KSR1: variants seen among roughly 807,000 people sequenced by gnomAD.
KSR1 encodes kinase suppressor of ras 1, also known as kinase suppressor of ras.
In KSR1, 35 loss-of-function variants were observed where a neutral mutation model predicts 92.9. That is an observed-to-expected ratio of 0.38 (90% CI 0.29 to 0.50). The LOEUF is 0.50. KSR1 is among the 20% of genes least tolerant of loss of function. The probability of loss-of-function intolerance (pLI) is 0.94; values close to 1 mark genes in which losing one functional copy is unlikely to be tolerated. For synonymous variants in KSR1, 467 were observed against 472.6 expected (o/e 0.99, Z 0.15); for missense variants, 972 against 1,158.5 (o/e 0.84, Z 2.34).
intron 1 of KSR1, among the ~76,000 whole-genome samples, chr17:27,511,251 G>A (rs941755151): frequency 5.3e-5 from 8 of 152,192 alleles, no homozygotes; most frequent in African/African-American, 1.9e-4. Flanking sequence ...TGGAACACTG[G>A]CAGGCAGCTG....
intron 2 of KSR1, among the ~76,000 whole-genome samples, chr17:27,572,391 T>C (rs1170706632): frequency 1.3e-5 from 2 of 152,178 alleles, no homozygotes. Context: ...TGGGCATCCA[T>C]GTCTTCCGTT....
intron 1 of KSR1, among the ~76,000 whole-genome samples, chr17:27,512,483 G>A (rs1315874190): frequency 1.3e-5 from 2 of 152,208 alleles, no homozygotes; most frequent in African/African-American, 4.8e-5. Context: ...AGCACTTTGG[G>A]AGGCCGAGGC....
chr17:27,503,687 T>C (rs889606557), intron 1 of KSR1, among the ~76,000 whole-genome samples: 6 of 152,296 alleles, frequency 3.9e-5, no homozygotes, highest in Non-Finnish European at 7.4e-5. Flanking sequence ...ATGTGTGACT[T>C]GTTTTGACCA....
chr17:27,550,945 AT>A (rs1408621133), intron 2 of KSR1, among the ~76,000 whole-genome samples: 1 of 152,132 alleles, frequency 6.6e-6, no homozygotes, highest in Non-Finnish European at 1.5e-5. Flanking sequence ...CTGGGCATTG[AT>A]TTGTTCATCA....
chr17:27,571,305 C>T (rs537979462), intron 2 of KSR1, among the ~76,000 whole-genome samples: 1 of 152,328 alleles, frequency 6.6e-6, no homozygotes, highest in Non-Finnish European at 1.5e-5. Flanking sequence ...CCTGTGCCTC[C>T]CAGAATATCT....
At chr17:27,475,553 C>T (rs1362047106) in intron 1 of KSR1, among the ~76,000 whole-genome samples, 5 of 152,180 alleles carry the variant, frequency 3.3e-5, no homozygotes, top group African/African-American at 9.7e-5. Context: ...GCAGCTTTTA[C>T]AGAGCTCCCA....
At chr17:27,508,526 T>C (rs757019956) in intron 1 of KSR1, among the ~76,000 whole-genome samples, 30 of 152,042 alleles carry the variant, frequency 2.0e-4, no homozygotes, top group Admixed American at 4.6e-4. Context: ...GATCATGCTC[T>C]TTGCCCCACA....
intron 1 of KSR1, among the ~76,000 whole-genome samples, chr17:27,471,017 C>T (rs900053143): frequency 1.3e-4 from 20 of 152,122 alleles, no homozygotes; most frequent in Middle Eastern, 3.4e-3. Context: ...AGCACAGGCA[C>T]GCACACTACA....
intron 1 of KSR1, among the ~76,000 whole-genome samples, chr17:27,462,996 G>A (rs1474662385): frequency 6.6e-6 from 1 of 152,202 alleles, no homozygotes; most frequent in Non-Finnish European, 1.5e-5. Flanking sequence ...GGGCCATTCA[G>A]GCTGTTTCCA....
intron 1 of KSR1, among the ~76,000 whole-genome samples, chr17:27,534,337 C>T (rs369223679): frequency 1.3e-5 from 2 of 152,162 alleles, no homozygotes; most frequent in Admixed American, 1.3e-4. Flanking sequence ...AATCTTAAAG[C>T]AATAAACAAG....
At chr17:27,544,756 G>A (rs1292957987) in intron 1 of KSR1, among the ~76,000 whole-genome samples, 1 of 152,230 alleles carries the variant, frequency 6.6e-6, no homozygotes, top group Non-Finnish European at 1.5e-5. Context: ...GTGGTTAAGA[G>A]AAAATGACGC....
chr17:27,596,608 G>C (rs1163010700), intron 9 of KSR1, among the ~76,000 whole-genome samples: 2 of 152,094 alleles, frequency 1.3e-5, no homozygotes, highest in Admixed American at 6.6e-5. Flanking sequence ...CTCCAAAATG[G>C]CAGACCGCAC....
chr17:27,584,409 G>A (rs1488220342), intron 4 of KSR1, among the ~76,000 whole-genome samples: 1 of 152,142 alleles, frequency 6.6e-6, no homozygotes, highest in Non-Finnish European at 1.5e-5. Flanking sequence ...AGAGATCCAG[G>A]TGTCACCGAC....
intron 1 of KSR1, among the ~76,000 whole-genome samples, chr17:27,463,707 G>A (rs2019554327): frequency 6.6e-6 from 1 of 152,176 alleles, no homozygotes. Context: ...TGGATTTCAG[G>A]TCTCCCTGTC....
chr17:27,617,292 C>T lies in KSR1; in HGVS notation c.2494-3C>T. The T allele has an allele frequency of 6.2e-7, 1 of 1,604,218 alleles. No homozygotes were observed. Among genetic ancestry groups the T allele is most frequent in the Non-Finnish European group, 8.5e-7 (1 of 1,173,294 alleles). On this transcript the variant is annotated splice_region_variant and splice_polypyrimidine_tract_variant and intron_variant, in intron 18 of 20. Transcript: ENST00000644974. ...ACACCACTAATGGCAGCTCCATTTGCAGGAGATCCTGTCGGCCTGCTGGGC... is the reference window on the plus strand; with the variant it reads ...ACACCACTAATGGCAGCTCCATTTGTAGGAGATCCTGTCGGCCTGCTGGGC...
chr17:27,581,148 G>T (rs192729997), intron 3 of KSR1, among the ~76,000 whole-genome samples: 1 of 152,068 alleles, frequency 6.6e-6, no homozygotes, highest in East Asian at 1.9e-4. Context: ...GGAGTGAGGC[G>T]TCCCACAGTG....
intron 1 of KSR1, among the ~76,000 whole-genome samples, chr17:27,519,810 G>A (rs544665150): frequency 6.6e-6 from 1 of 152,362 alleles, no homozygotes; most frequent in Admixed American, 6.5e-5. Context: ...AAAGTCCCTG[G>A]TCCATGGCAC....
At chr17:27,550,740 G>A (rs763113647) in intron 2 of KSR1, 32 bp downstream of exon 2, 2 of 750,836 alleles carry the variant, frequency 2.7e-6, no homozygotes, top group Middle Eastern at 3.6e-4. Flanking sequence ...ATAGGGATAG[G>A]CATGAGGGGC....
chr17:27,506,340 T>C (rs2069380630), intron 1 of KSR1, among the ~76,000 whole-genome samples: 2 of 152,206 alleles, frequency 1.3e-5, no homozygotes, highest in African/African-American at 4.8e-5. Flanking sequence ...CTACCCTAAC[T>C]CATGACTCCA....
Sources: allele counts gnomAD v4.1 joint callset (sites outside exome capture counted in the v4.1 genomes callset), GRCh38; gene constraint gnomAD v4.1.1; transcripts MANE v1.5; gene names NCBI Gene and HGNC (gene_info 2026-07-23, HGNC 2026-07-21).